PLEC: variants seen among roughly 807,000 people sequenced by gnomAD.
The protein encoded by PLEC is plectin, also known as hemidesmosomal protein 1.
PLEC carries 216 observed loss-of-function variants against 392.8 expected under a neutral mutation model. That is an observed-to-expected ratio of 0.55 (90% CI 0.49 to 0.62). PLEC has a LOEUF of 0.62. Among genes scored for constraint, PLEC ranks in the 20% least tolerant of loss-of-function variants. The probability of loss-of-function intolerance (pLI) is 0.00; values close to 1 mark genes in which losing one functional copy is unlikely to be tolerated. For missense variants in PLEC, 6,863 were observed against 6,563.4 expected, an observed-to-expected ratio of 1.05 and a Z score of -1.58; for synonymous variants, 3,621 against 2,980.6, an observed-to-expected ratio of 1.21 and a Z score of -7.00.
chr8:143,927,816 C>G (rs1554708713), intron 26 of PLEC, 38 bp downstream of exon 26: 1 of 1,574,222 alleles, frequency 6.4e-7, no homozygotes, highest in Admixed American at 1.9e-5. Flanking sequence ...CCCGCTGTAC[C>G]CCCACCCCGC....
At position 143,920,206 on chromosome 8, in the gene PLEC, G is replaced by A. The variant is rs782233146; in HGVS notation, c.9615C>T (p.Thr3205=). ...LQQRCRPDQL[T]GLSLLPLSEK... Reference sequence around the variant, plus strand: ...CTGAGAGCGGCAGCAGGCTCAGCCCGGTCAGCTGGTCGGGCCGGCACCGCT... The same window carrying A: ...CTGAGAGCGGCAGCAGGCTCAGCCCAGTCAGCTGGTCGGGCCGGCACCGCT... The change falls in exon 32 of 32, where the codon ACC becomes ACT. Residue 3205 remains threonine (T), a synonymous_variant. Transcript: ENST00000345136. 2.7e-5 allele frequency: 43 copies of A among 1,608,634 alleles called. 1 individual carries two copies. The Middle Eastern group carries it at 1.7e-3, about 62-fold the overall frequency.
intron 30 of PLEC, 28 bp downstream of exon 30, chr8:143,926,756 T>TGCCCAGCCTCC: frequency 6.3e-7 from 1 of 1,579,320 alleles, no homozygotes; most frequent in Non-Finnish European, 8.7e-7. Flanking sequence ...TGGAACCCTC[T>TGCCCAGCCTCC]GCCCAGCCTC....
At chr8:143,955,713 C>T (rs937116978), upstream of PLEC, among the ~76,000 whole-genome samples, 10 of 151,372 alleles carry the variant, frequency 6.6e-5, no homozygotes, top group Admixed American at 1.3e-4. Context: ...GATGCCCCCA[C>T]CTCAGCTTTC....
upstream of PLEC, among the ~76,000 whole-genome samples, chr8:143,952,800 C>A (rs1269616019): frequency 2.0e-5 from 3 of 152,192 alleles, no homozygotes; most frequent in Non-Finnish European, 4.4e-5. Context: ...CCCGCCTCCC[C>A]CAAGCCGGCT....
upstream of PLEC, among the ~76,000 whole-genome samples, chr8:143,944,252 C>T (rs1831087161): frequency 6.6e-6 from 1 of 152,158 alleles, no homozygotes; most frequent in African/African-American, 2.4e-5. Flanking sequence ...CAAGCCGCAG[C>T]CCCCCAGCAC....
Position 143,938,622 on chromosome 8 carries a change from GC to G in PLEC, c.174+8del, listed in dbSNP as rs782155874. The G allele has an allele frequency of 6.2e-7, 1 of 1,612,838 alleles. No individual in the cohort carries two copies. Among genetic ancestry groups the G allele is most frequent in the South Asian group, 1.1e-5 (1 of 91,058 alleles). On this transcript the variant is annotated splice_region_variant and intron_variant, in intron 2 of 31. Transcript: ENST00000345136. ...GCCCCTGTGACACGCACCAGCATGC[GC>G]CACCAACCTTGATGAGGTGCTTGTT...
In PLEC at chr8:143,930,072, C is replaced by T. The variant is rs1826709095; in HGVS notation, c.2613-10G>A. 1.9e-6 allele frequency: 3 copies of T among 1,609,206 alleles called. No individual in the cohort carries two copies. The highest frequency in any genetic ancestry group is 1.7e-4 in the Middle Eastern group (1 of 6,028). On this transcript the variant is annotated splice_polypyrimidine_tract_variant and intron_variant, in intron 21 of 31. Transcript: ENST00000345136. ...GTGCTGGGCCTCCAGCCTGGCAGGT[C>T]AGGGCTACAGTCAGCGTCACCAGCG...
chr8:143,969,537 A>G lies in PLEC; in HGVS notation c.70+3866T>C, dbSNP rs1833307342. Among the ~76,000 whole-genome samples the G allele has an allele frequency of 6.6e-6, 1 of 152,272 alleles. No individual in the cohort carries two copies. The highest frequency in any genetic ancestry group is 2.4e-5 in the African/African-American group (1 of 41,546). On this transcript the variant is annotated intron_variant, in intron 1 of 31. Transcript: ENST00000356346. The surrounding 1 kb of genome is among the most constrained non-coding windows in gnomAD (Gnocchi z 5.1). The stretch of plus-strand genomic sequence containing the variant: ...CTGGGCCGTCCTGCCACACCATGGG[A>G]GCCTGGAGAGAGACCTGGGGTGGGT...
At position 143,934,947 on chromosome 8, in the gene PLEC, C is replaced by A. The variant is rs376227396; in HGVS notation, c.826-18G>T. The A allele has an allele frequency of 4.3e-6, 7 of 1,610,586 alleles. No homozygotes were observed. The highest frequency in any genetic ancestry group is 4.0e-5 in the African/African-American group (3 of 74,914). ...TGCAGCTCCTGCGGGCAGGCACGGG[C>A]GGCTGTCAGGGGTCGTCGGGGCGTC... On this transcript the variant is annotated intron_variant, in intron 8 of 31. Transcript: ENST00000345136.
rs1554716817 is a variant in PLEC at position 143,932,403 on chromosome 8, G to A, written c.1974C>T (p.Tyr658=). Residue 658 remains tyrosine (Y), a synonymous_variant, in exon 16 of 32, where the codon TAC becomes TAT. Coordinates refer to ENST00000345136, the MANE Select transcript of PLEC (RefSeq NM_201384.3). ...NTNMTAKKES[Y]SALMRELELK... ...GGGCAGCTGGGCCACCGCTCACCGA[G>A]TAGCTCTCCTTCTTGGCGGTCATGT... 1.2e-6 allele frequency: 2 copies of A among 1,612,742 alleles called. No homozygotes were observed. Among genetic ancestry groups the A allele is most frequent in the African/African-American group, 2.7e-5 (2 of 74,928 alleles).
At position 143,923,086 on chromosome 8, in the gene PLEC, C is replaced by T. The variant is rs782156855; in HGVS notation, c.6843G>A (p.Ala2281=). 2.1e-5 allele frequency: 33 copies of T among 1,608,026 alleles called. No homozygotes were observed. Among genetic ancestry groups the T allele is most frequent in the East Asian group, 8.9e-5 (4 of 44,862 alleles). The change falls in exon 31 of 32, where the codon GCG becomes GCA. Residue 2281 remains alanine (A), a synonymous_variant. Coordinates refer to ENST00000345136, the MANE Select transcript of PLEC (RefSeq NM_201384.3). ...CCTCTTGGGCCGCCACACTCAGCCG[C>T]GCGGCCTCCTCCGCCACCTGCTTCA... ...EKMKQVAEEA[A]RLSVAAQEAA... is the part of the protein sequence containing the mutation.
At chr8:143,944,521 CAT>C (rs2132554526), upstream of PLEC, 1 of 520,842 alleles carries the variant, frequency 1.9e-6, no homozygotes, top group East Asian at 3.5e-5. Flanking sequence ...GGTGAGGGCA[CAT>C]GAGGCAGGCT....
chr8:143,946,418 CG>C, intron 1 of PLEC: 1 of 1,285,896 alleles, frequency 7.8e-7, no homozygotes, highest in Non-Finnish European at 1.0e-6. Flanking sequence ...CAGGCTGCTC[CG>C]AGAGCCGGCA....
Position 143,933,381 on chromosome 8 carries a change from C to T in PLEC, c.1264-30G>A, listed in dbSNP as rs782529173. The T allele has an allele frequency of 5.0e-6, 8 of 1,604,566 alleles. No individual in the cohort carries two copies. The East Asian group carries it at 1.8e-4, about 36-fold the overall frequency. ...AAGGTCGTTGCCATGACTCGGAGCA[C>T]AGCTGATCCCCCTCTGACCTCACAG... On this transcript the variant is annotated intron_variant, in intron 12 of 31. Transcript: ENST00000345136.
intron 10 of PLEC, 61 bp downstream of exon 10, chr8:143,934,574 A>C: frequency 6.2e-7 from 1 of 1,601,420 alleles, no homozygotes. Context: ...CGGCTCCGGA[A>C]GAACCTTTCA....
chr8:143,925,708 C>T lies in PLEC; in HGVS notation c.4221G>A (p.Ala1407=), dbSNP rs185790521. ...GCTTCTGCTGCTGCGCGTCCACCGC[C>T]GCCTCCTCCCGCCGCACCACCTCCT... The part of the protein sequence containing the change: ...MQEEVVRREE[A]AVDAQQQKRS... Residue 1407 remains alanine, a synonymous_variant, in exon 31 of 32, where the codon GCG becomes GCA. Coordinates refer to ENST00000345136, the MANE Select transcript of PLEC (RefSeq NM_201384.3). The T allele has an allele frequency of 3.1e-4, 492 of 1,592,372 alleles. 2 individuals carry two copies. In the East Asian group the frequency reaches 8.0e-3, roughly 26 times the overall value.
chr8:143,927,587 G>A lies in PLEC; in HGVS notation c.3579C>T (p.Ala1193=), dbSNP rs782270034. Residue 1193 remains alanine (A), a synonymous_variant, in exon 27 of 32, where the codon GCC becomes GCT. Transcript: ENST00000345136. ...GCTCGCGCTGCCGCACGTCGGTCTGGGCCAGCACAGCCTGCCAGCGCTCAA... is the reference window on the plus strand; with the variant it reads ...GCTCGCGCTGCCGCACGTCGGTCTGAGCCAGCACAGCCTGCCAGCGCTCAA... The part of the protein sequence containing the change: ...QLLERWQAVL[A]QTDVRQRELE... The A allele has an allele frequency of 3.8e-6, 6 of 1,588,896 alleles. No homozygotes were observed. The highest frequency in any genetic ancestry group is 3.4e-5 in the Admixed American group (2 of 58,810).
upstream of PLEC, chr8:143,942,667 G>C (rs1830726055): frequency 2.9e-6 from 3 of 1,050,356 alleles, no homozygotes; most frequent in Non-Finnish European, 2.6e-6. Flanking sequence ...CTGCGGGAGC[G>C]AGGCCCAGAC....
rs1554676660 is a variant in PLEC at position 143,918,926 on chromosome 8, A to G, written c.10895T>C (p.Ile3632Thr). ...IIEIIEKTEI[I>T]RQQGLASYDY... ...GTAGGAGGCCAGACCCTGCTGGCGG[A>G]TGATCTCTGTCTTCTCAATGATCTC... Residue 3632 changes from isoleucine (I) to threonine (T), a missense_variant, in exon 32 of 32, where the codon ATC becomes ACC. By Grantham distance (89) the Ile-to-Thr change is moderately conservative (BLOSUM62 -1). Transcript: ENST00000345136. 1 of 1,610,854 alleles carries G rather than the reference A, an allele frequency of 6.2e-7. No homozygotes were observed. Among genetic ancestry groups the G allele is most frequent in the Non-Finnish European group, 8.5e-7 (1 of 1,180,000 alleles).
Sources: gnomAD v4.1 joint callset for allele counts (sites outside exome capture counted in the v4.1 genomes callset) on GRCh38, gnomAD v4.1.1 for gene constraint, Gnocchi (gnomAD v3.1) non-coding constraint, MANE v1.5 for transcripts, NCBI Gene and HGNC (gene_info 2026-07-23, HGNC 2026-07-21) for gene names.